The following ELMO2 variants were observed in gnomAD, a reference collection of about 807,000 sequenced individuals.
The protein encoded by ELMO2 is engulfment and cell motility protein 2.
In ELMO2, 37 loss-of-function variants were observed where a neutral mutation model predicts 96.2. The observed-to-expected ratio is 0.38, with a 90% CI of 0.30 to 0.51. The LOEUF (loss-of-function observed/expected upper bound fraction) is 0.51. Among genes scored for constraint, ELMO2 ranks in the 20% least tolerant of loss-of-function variants. The pLI is 0.88. For missense variants in ELMO2, 561 were observed against 912.6 expected (o/e 0.61, Z 4.96); for synonymous variants, 315 against 329.4 (o/e 0.96, Z 0.47).
intron 1 of ELMO2, among the ~76,000 whole-genome samples, chr20:46,404,022 T>C (rs911885240): frequency 6.6e-6 from 1 of 152,018 alleles, no homozygotes; most frequent in East Asian, 1.9e-4. Flanking sequence ...AGGTGGAGGT[T>C]GCAGTTAGCC....
At chr20:46,367,582 ATGTCACATCG>A in intron 21 of ELMO2, 22 bp from the exon 22 acceptor site, 1 of 1,585,062 alleles carries the variant, frequency 6.3e-7, no homozygotes, top group Non-Finnish European at 8.6e-7. Flanking sequence ...AAGTTGCAAA[ATGTCACATCG>A]TGACCCCTGG....
chr20:46,389,148 CCTT>C lies in ELMO2; in HGVS notation c.313_315del (p.Lys105del). The C allele has an allele frequency of 6.2e-7, 1 of 1,614,174 alleles. No individual in the cohort carries two copies. The highest frequency in any genetic ancestry group is 8.5e-7 in the Non-Finnish European group (1 of 1,180,012). On this transcript the variant is annotated inframe_deletion, in exon 7 of 22. Transcript: ENST00000290246. ...ACGTCGGCAGAGAGCTTGGCCAGCT[CCTT>C]CATGGCATCCAGCCGGGTCTCCATG... is the stretch of plus-strand genomic sequence containing the variant.
At chr20:46,391,594 T>G (rs916943959) in intron 6 of ELMO2, among the ~76,000 whole-genome samples, 18 of 152,180 alleles carry the variant, frequency 1.2e-4, no homozygotes. Context: ...GGCTGTCTTC[T>G]TCATGGGCCT....
intron 2 of ELMO2, among the ~76,000 whole-genome samples, chr20:46,395,063 T>C (rs2060220841): frequency 6.6e-6 from 1 of 152,146 alleles, no homozygotes; most frequent in Non-Finnish European, 1.5e-5. Flanking sequence ...CAAAGCCTCC[T>C]CTGTGTGGGA....
chr20:46,386,451 G>C (rs1600857541), intron 8 of ELMO2, among the ~76,000 whole-genome samples, 176 bp from the exon 9 acceptor site: 1 of 152,196 alleles, frequency 6.6e-6, no homozygotes, highest in Non-Finnish European at 1.5e-5. Flanking sequence ...GATTCCCTTG[G>C]CATGGATACC....
chr20:46,392,717 C>T (rs1314048250), intron 6 of ELMO2, among the ~76,000 whole-genome samples: 1 of 152,226 alleles, frequency 6.6e-6, no homozygotes, highest in Admixed American at 6.5e-5. Flanking sequence ...ATTTCTCTGA[C>T]TGGAATACTT....
chr20:46,380,531 C>T (rs1304878508), intron 10 of ELMO2, among the ~76,000 whole-genome samples: 1 of 152,210 alleles, frequency 6.6e-6, no homozygotes, highest in Non-Finnish European at 1.5e-5. Flanking sequence ...AATAGGATTT[C>T]CTTTCCTAAT....
rs1555824431 is a variant in ELMO2 at position 46,373,391 on chromosome 20, A to C, written c.1416+8T>G. On this transcript the variant is annotated splice_region_variant and intron_variant, in intron 16 of 21. Transcript: ENST00000290246. ...CCGTGGGCCTCAGAGCAGCCCGGAGACACTGACCTTGTTGAAGTCCTCTGC... is the reference window on the plus strand; with the variant it reads ...CCGTGGGCCTCAGAGCAGCCCGGAGCCACTGACCTTGTTGAAGTCCTCTGC... The C allele has an allele frequency of 6.2e-7, 1 of 1,614,154 alleles. No individual in the cohort carries two copies. Among genetic ancestry groups the C allele is most frequent in the Non-Finnish European group, 8.5e-7 (1 of 1,180,022 alleles).
chr20:46,379,287 T>C (rs2059915341), intron 11 of ELMO2, among the ~76,000 whole-genome samples: 1 of 151,930 alleles, frequency 6.6e-6, no homozygotes. Context: ...AGCCACCACG[T>C]CCGGCCAAAG....
chr20:46,373,155 G>C, intron 16 of ELMO2: 1 of 503,912 alleles, frequency 2.0e-6, no homozygotes, highest in South Asian at 2.7e-5. Context: ...GGACGGGAGG[G>C]ACAGGTGCTA....
At chr20:46,372,689 T>C (rs2059749693) in intron 16 of ELMO2, 1 of 152,176 alleles carries the variant, frequency 6.6e-6, no homozygotes, top group Non-Finnish European at 1.5e-5. Flanking sequence ...TGTGGTGTTT[T>C]AAAAAAATGC....
At chr20:46,404,173 C>A (rs1346956013) in intron 1 of ELMO2, among the ~76,000 whole-genome samples, 1 of 152,016 alleles carries the variant, frequency 6.6e-6, no homozygotes, top group Non-Finnish European at 1.5e-5. Flanking sequence ...TTTTTTCTAT[C>A]CAGGTCCTGG....
At chr20:46,372,038 A>G in intron 16 of ELMO2, 69 bp from the exon 17 acceptor site, 1 of 1,593,168 alleles carries the variant, frequency 6.3e-7, no homozygotes, top group South Asian at 1.1e-5. Context: ...ATTATGGAGC[A>G]CCAAGGCTCT....
In ELMO2 at chr20:46,375,218, A is replaced by C. The variant is rs746138948; in HGVS notation, c.1065+18T>G. ...CAGGGGAGAGGGCCTACCACCGTCT[A>C]TGCTCTGAGGTACTTACGGTAAATC... On this transcript the variant is annotated intron_variant, in intron 13 of 21. Transcript: ENST00000290246. The surrounding 1 kb of genome is among the most constrained non-coding windows in gnomAD (Gnocchi z 4.6). 1.9e-6 allele frequency: 3 copies of C among 1,612,016 alleles called. No homozygotes were observed. In the South Asian group the frequency reaches 3.3e-5, roughly 18 times the overall value.
chr20:46,401,938 T>C (rs1003521345), intron 1 of ELMO2, among the ~76,000 whole-genome samples: 5 of 152,212 alleles, frequency 3.3e-5, no homozygotes, highest in African/African-American at 1.2e-4. Flanking sequence ...GTGCAGTCTC[T>C]TCCCTGGCTA....
intron 10 of ELMO2, among the ~76,000 whole-genome samples, chr20:46,380,659 G>A (rs1319317986): frequency 6.6e-6 from 1 of 152,210 alleles, no homozygotes; most frequent in African/African-American, 2.4e-5. Flanking sequence ...TAAGCCACAT[G>A]CATCGTGCCA....
chr20:46,375,692 C>A lies in ELMO2; in HGVS notation c.906G>T (p.Met302Ile). ...LTFNLLEERMMTKMDPNDQAQ... is the reference protein window; with the variant it reads ...LTFNLLEERMITKMDPNDQAQ... ...CCTGGTCATTGGGGTCCATCTTGGTCATCATCCTTTCTTCCAGAAGGTTAA... is the reference window on the plus strand; with the variant it reads ...CCTGGTCATTGGGGTCCATCTTGGTAATCATCCTTTCTTCCAGAAGGTTAA... Residue 302 changes from methionine (M) to isoleucine (I), a missense_variant, in exon 12 of 22, where the codon ATG becomes ATT. Coordinates refer to ENST00000290246, the MANE Select transcript of ELMO2 (RefSeq NM_133171.5). This position sits in a 1 kb window ranked among gnomAD's most constrained non-coding sequence, Gnocchi z 4.6. The A allele has an allele frequency of 1.2e-6, 2 of 1,614,122 alleles. No individual in the cohort carries two copies. The highest frequency in any genetic ancestry group is 2.2e-5 in the East Asian group (1 of 44,894).
chr20:46,405,475 GAC>G (rs1356936472), intron 1 of ELMO2, among the ~76,000 whole-genome samples: 1 of 152,250 alleles, frequency 6.6e-6, no homozygotes, highest in Non-Finnish European at 1.5e-5. Flanking sequence ...CGGACGAGTA[GAC>G]AGACTTGGGA....
rs569700191 is a variant in ELMO2 at position 46,392,230 on chromosome 20, A to G, written c.243+863T>C. ...ACTTCACCTTCTTGGTGTTCTTTCT[A>G]CCCTTCTGGTTGCTTCCTTAGTGAC... On this transcript the variant is annotated intron_variant, in intron 6 of 21. Transcript: ENST00000290246. 2.0e-5 allele frequency among the ~76,000 whole-genome samples: 3 copies of G among 151,896 alleles called. No homozygotes were observed. In the East Asian group the frequency reaches 5.8e-4, roughly 29 times the overall value.
Sources: allele counts gnomAD v4.1 joint callset (sites outside exome capture counted in the v4.1 genomes callset), GRCh38; gene constraint gnomAD v4.1.1; non-coding constraint Gnocchi (gnomAD v3.1); transcripts MANE v1.5; gene names NCBI Gene and HGNC (gene_info 2026-07-23, HGNC 2026-07-21).